The following OXR1 variants were observed in gnomAD, a reference collection of about 807,000 sequenced individuals.
The protein encoded by OXR1 is oxidation resistance 1.
OXR1 carries 41 observed loss-of-function variants against 104.6 expected under a neutral mutation model. That is an observed-to-expected ratio of 0.39 (90% confidence interval 0.31 to 0.51). The LOEUF is 0.51. Ranked by LOEUF, OXR1 falls within the 20% of genes least tolerant of loss-of-function variation. The pLI, the probability that OXR1 is intolerant of heterozygous loss-of-function variation, is 0.77. For missense variants in OXR1, 955 were observed against 1,031.9 expected (o/e 0.93, Z 1.02); for synonymous variants, 348 against 348.4 (o/e 1.00, Z 0.01).
intron 1 of OXR1, among the ~76,000 whole-genome samples, chr8:106,300,301 G>C (rs1480468534): frequency 6.6e-6 from 1 of 151,882 alleles, no homozygotes; most frequent in Non-Finnish European, 1.5e-5. Context: ...TGGTTGCTTT[G>C]TATGTATTAA....
Position 106,752,374 on chromosome 8 carries a change from A to G in OXR1, c.*1433A>G, listed in dbSNP as rs1469285841. 6.6e-6 allele frequency: 1 copy of G among 152,540 alleles called. No homozygotes were observed. The highest frequency in any genetic ancestry group is 1.5e-5 in the Non-Finnish European group (1 of 67,930). The allele number at this position is 152,540 out of a possible 1,614,324, so 9.4% of individuals were successfully genotyped here. ...ATATTTAGTTCTTTTGAAAGTTTAG[A>G]TAATTATTTAAAGAAAGCATAATGC... is the stretch of plus-strand genomic sequence containing the variant. On this transcript the variant is annotated 3_prime_UTR_variant, in exon 17 of 17. Transcript: ENST00000517566.
intron 7 of OXR1, chr8:106,697,816 T>C (rs2627788): frequency 1.9e-6 from 3 of 1,612,122 alleles, no homozygotes; most frequent in East Asian, 2.2e-5. Flanking sequence ...CAGTGCATTA[T>C]TGAGCTCACA....
intron 1 of OXR1, among the ~76,000 whole-genome samples, chr8:106,324,128 A>C (rs1814354125): frequency 6.6e-6 from 1 of 152,224 alleles, no homozygotes; most frequent in African/African-American, 2.4e-5. Flanking sequence ...CATCAATGAC[A>C]GATTGGATAA....
intron 2 of OXR1, among the ~76,000 whole-genome samples, chr8:106,485,147 T>C (rs1018922583): frequency 7.2e-5 from 11 of 151,886 alleles, no homozygotes; most frequent in Admixed American, 3.3e-4. Context: ...AAAAAATCCA[T>C]TGTTACCAGG....
At chr8:106,384,011 C>T (rs180789382) in intron 2 of OXR1, among the ~76,000 whole-genome samples, 2 of 152,246 alleles carry the variant, frequency 1.3e-5, no homozygotes, top group East Asian at 3.9e-4. Flanking sequence ...GGGGCAAGAA[C>T]AAATGGGCAA....
intron 3 of OXR1, chr8:106,520,349 C>T (rs936226350): frequency 1.3e-5 from 2 of 151,960 alleles, no homozygotes; most frequent in Admixed American, 1.3e-4. Context: ...AGTTCTAATT[C>T]CTACAACAAT....
chr8:106,367,354 C>T (rs1010564776), intron 2 of OXR1, among the ~76,000 whole-genome samples: 14 of 151,992 alleles, frequency 9.2e-5, no homozygotes, highest in Admixed American at 2.0e-4. Context: ...TGAGCCACCA[C>T]GCCCGATCTA....
chr8:106,724,329 A>C (rs1322935793), intron 11 of OXR1, among the ~76,000 whole-genome samples: 1 of 152,186 alleles, frequency 6.6e-6, no homozygotes, highest in Non-Finnish European at 1.5e-5. Context: ...CATCTGCTTC[A>C]AATTCTTGGA....
chr8:106,553,571 C>T lies in OXR1; in HGVS notation c.220+34432C>T, dbSNP rs774015495. The stretch of plus-strand genomic sequence containing the variant: ...CTGAGCTCAAGCGATCCACCTGCCT[C>T]GGTCTCCAAAAGTGCTGAGATTACG... On this transcript the variant is annotated intron_variant, in intron 3 of 16. Coordinates refer to ENST00000517566, the MANE Select transcript of OXR1 (RefSeq NM_001198533.2). 2.6e-5 allele frequency among the ~76,000 whole-genome samples: 4 copies of T among 152,104 alleles called. No individual in the cohort carries two copies. The South Asian group carries it at 6.2e-4, about 24-fold the overall frequency.
chr8:106,533,935 A>T (rs1407137652), intron 3 of OXR1, among the ~76,000 whole-genome samples: 1 of 151,474 alleles, frequency 6.6e-6, no homozygotes, highest in Non-Finnish European at 1.5e-5. Flanking sequence ...CTGGTCTTGA[A>T]CTCCCAACGT....
At chr8:106,526,745 G>T (rs1278476673) in intron 3 of OXR1, among the ~76,000 whole-genome samples, 2 of 152,254 alleles carry the variant, frequency 1.3e-5, no homozygotes, top group South Asian at 2.1e-4. Context: ...GGTTTTCACT[G>T]TGTTAGCCAG....
intron 10 of OXR1, among the ~76,000 whole-genome samples, chr8:106,712,021 A>G (rs1414974803): frequency 6.6e-6 from 1 of 152,076 alleles, no homozygotes; most frequent in Admixed American, 6.6e-5. Flanking sequence ...CCATTGATAG[A>G]TTAATATGTT....
In OXR1 at chr8:106,491,186, T is replaced by C. The variant is rs773861979; in HGVS notation, c.24-27757T>C. On this transcript the variant is annotated intron_variant, in intron 2 of 16. Coordinates refer to ENST00000517566, the MANE Select transcript of OXR1 (RefSeq NM_001198533.2). The stretch of plus-strand genomic sequence containing the variant: ...TCTGCCTCCTTTCTGGGAGGAGTTA[T>C]CTCTGCCAATCTTACTTAGATACTG... Among the ~76,000 whole-genome samples, 5 of 152,240 alleles carry C rather than the reference T, an allele frequency of 3.3e-5. No homozygotes were observed. In the South Asian group the frequency reaches 1.0e-3, roughly 31 times the overall value.
chr8:106,544,207 CTTT>C (rs71307066), intron 3 of OXR1, among the ~76,000 whole-genome samples: 3 of 135,540 alleles, frequency 2.2e-5, no homozygotes, highest in Non-Finnish European at 3.2e-5. Context: ...TTTTCTTTTT[CTTT>C]TTTTTTTTTT....
At chr8:106,592,526 T>C (rs550494446) in intron 3 of OXR1, among the ~76,000 whole-genome samples, 2 of 152,192 alleles carry the variant, frequency 1.3e-5, no homozygotes, top group African/African-American at 4.8e-5. Context: ...CACTTCTGAC[T>C]CCAGAAGTGT....
intron 2 of OXR1, among the ~76,000 whole-genome samples, chr8:106,508,668 T>C (rs1048146616): frequency 3.3e-5 from 5 of 152,340 alleles, no homozygotes; most frequent in Admixed American, 2.6e-4. Context: ...TATTCATCAA[T>C]AGGATGATTT....
Position 106,634,197 on chromosome 8 carries a change from G to A in OXR1, c.221-45013G>A, listed in dbSNP as rs16874956. 6.4e-3 allele frequency among the ~76,000 whole-genome samples: 974 copies of A among 152,230 alleles called. 20 individuals are homozygous for A. The highest frequency in any genetic ancestry group is 0.022 in the African/African-American group (918 of 41,542). ...TTTATGAGCCAGTATAACGTGAAAGGCAAGTTAAAACATGAAAAGGAAATC... is the reference window on the plus strand; with the variant it reads ...TTTATGAGCCAGTATAACGTGAAAGACAAGTTAAAACATGAAAAGGAAATC... On this transcript the variant is annotated intron_variant, in intron 3 of 16. Coordinates refer to ENST00000517566, the MANE Select transcript of OXR1 (RefSeq NM_001198533.2).
At chr8:106,491,875 GT>G (rs1327946778) in intron 2 of OXR1, among the ~76,000 whole-genome samples, 1 of 152,012 alleles carries the variant, frequency 6.6e-6, no homozygotes. Flanking sequence ...AGTTATCTTT[GT>G]CACCTTTAGT....
At chr8:106,458,437 G>A (rs184920654) in intron 2 of OXR1, among the ~76,000 whole-genome samples, 3 of 152,242 alleles carry the variant, frequency 2.0e-5, no homozygotes, top group African/African-American at 7.2e-5. Flanking sequence ...CAAGAGCTGT[G>A]GAAGTTTGGC....
Sources: allele counts gnomAD v4.1 joint callset (sites outside exome capture counted in the v4.1 genomes callset), GRCh38; gene constraint gnomAD v4.1.1; transcripts MANE v1.5; gene names NCBI Gene and HGNC (gene_info 2026-07-23, HGNC 2026-07-21).